ZNF469: variants seen among roughly 807,000 people sequenced by gnomAD.
ZNF469 encodes the protein zinc finger protein 469.
In ZNF469, 1 loss-of-function variant was observed where a neutral mutation model predicts 1.0. The observed-to-expected ratio is 1.00, with a 90% CI of 0.35 to 4.73. ZNF469 has a LOEUF of 4.73. Among genes scored for constraint, ZNF469 ranks in the 30% most tolerant of loss-of-function variants. The probability of loss-of-function intolerance (pLI) is 0.16; values close to 1 mark genes in which losing one functional copy is unlikely to be tolerated. For synonymous variants in ZNF469, 2,703 were observed against 2,363.4 expected, an observed-to-expected ratio of 1.14 and a Z score of -4.17; for missense variants, 6,100 against 5,356.3, an observed-to-expected ratio of 1.14 and a Z score of -4.33.
the ZNF469 span, among the ~76,000 whole-genome samples, chr16:88,101,653 C>A: frequency 6.6e-6 from 1 of 151,858 alleles, no homozygotes; most frequent in Non-Finnish European, 1.5e-5. Context: ...CACAGCGAAT[C>A]TGAGGCAGGC....
At chr16:88,189,867 C>T in the ZNF469 span, among the ~76,000 whole-genome samples, 28,335 of 152,004 alleles carry the variant, frequency 0.19, 3,382 homozygotes, top group Middle Eastern at 0.29. The surrounding 1 kb of genome is among the most constrained non-coding windows in gnomAD (Gnocchi z 4.3). Flanking sequence ...TGCAGTGAGC[C>T]GAGATTGCAC....
the ZNF469 span, among the ~76,000 whole-genome samples, chr16:88,212,573 A>T: frequency 2.6e-5 from 4 of 151,094 alleles, no homozygotes; most frequent in Non-Finnish European, 5.9e-5. Flanking sequence ...TTCTTCCCTT[A>T]TTTATTTATT....
chr16:88,275,534 C>G, the ZNF469 span, among the ~76,000 whole-genome samples: 1 of 152,174 alleles, frequency 6.6e-6, no homozygotes, highest in African/African-American at 2.4e-5. Flanking sequence ...GGGAGGGTGC[C>G]TGGAGTGGCT....
upstream of ZNF469, among the ~76,000 whole-genome samples, chr16:88,381,986 T>G (rs189229260): frequency 6.6e-6 from 1 of 152,376 alleles, no homozygotes; most frequent in East Asian, 1.9e-4. Context: ...AAGTAAAGCG[T>G]GCTTGACCTG....
At chr16:88,161,547 T>A in the ZNF469 span, among the ~76,000 whole-genome samples, 1 of 152,220 alleles carries the variant, frequency 6.6e-6, no homozygotes. Context: ...CCACTCAGCG[T>A]TTAGAGAAAA....
the ZNF469 span, among the ~76,000 whole-genome samples, chr16:88,230,533 C>T: frequency 3.3e-5 from 5 of 149,450 alleles, no homozygotes; most frequent in Non-Finnish European, 6.0e-5. Context: ...GTGGGCAAGT[C>T]GGGTGGGAAA....
At chr16:88,150,829 CG>C in the ZNF469 span, among the ~76,000 whole-genome samples, 1 of 152,038 alleles carries the variant, frequency 6.6e-6, no homozygotes, top group Non-Finnish European at 1.5e-5. Context: ...GCCGTAGAAG[CG>C]CCGTGGGGTT....
chr16:88,387,417 G>A (rs1031753218), intron 1 of ZNF469, among the ~76,000 whole-genome samples: 12 of 152,280 alleles, frequency 7.9e-5, no homozygotes, highest in East Asian at 7.7e-4. Flanking sequence ...CTCGGGCCGC[G>A]GTCAGCACAG....
In ZNF469 at chr16:88,432,567, A is replaced by T; in HGVS notation, c.5097A>T (p.Lys1699Asn). 1 of 1,550,438 alleles carries T rather than the reference A, an allele frequency of 6.4e-7. No homozygotes were observed. Residue 1699 changes from lysine to asparagine, a missense_variant, in exon 3 of 3, where the codon AAA (lysine) becomes AAT (asparagine). By Grantham distance (94) the Lys-to-Asn change is moderately conservative. Coordinates refer to ENST00000565624, the MANE Select transcript of ZNF469 (RefSeq NM_001367624.2). ...GANFHFQPVQ[K>N]AGASKTGLCQ... ...ACTTCCATTTTCAGCCAGTGCAGAA[A>T]GCCGGAGCCTCCAAGACTGGACTTT...
the ZNF469 span, among the ~76,000 whole-genome samples, chr16:88,351,635 G>A: frequency 4.6e-5 from 7 of 152,108 alleles, no homozygotes; most frequent in Non-Finnish European, 1.0e-4. Flanking sequence ...GTCCCGTGCT[G>A]TGGCGGCCGC....
rs1335934418 is a variant in ZNF469 at position 88,431,153 on chromosome 16, C to A, written c.3683C>A (p.Pro1228His). 1 of 1,550,350 alleles carries A rather than the reference C, an allele frequency of 6.5e-7. No individual in the cohort carries two copies. The highest frequency in any genetic ancestry group is 1.2e-5 in the South Asian group (1 of 84,060). Residue 1228 changes from proline to histidine, a missense_variant, in exon 3 of 3, where the codon CCT becomes CAT. By Grantham distance (77) the Pro-to-His change is moderately conservative (BLOSUM62 -2). Coordinates refer to ENST00000565624, the MANE Select transcript of ZNF469 (RefSeq NM_001367624.2). ...GACTTTCCCCAGGAGGCCAAGGAGC[C>A]TGAAACTGCCGAAGAGTCAGCCCCG... ...SLDFPQEAKE[P>H]ETAEESAPDS...
At chr16:88,369,748 A>C in the ZNF469 span, among the ~76,000 whole-genome samples, 1 of 152,166 alleles carries the variant, frequency 6.6e-6, no homozygotes, top group Admixed American at 6.5e-5. Context: ...GAGGAGCAGG[A>C]ATAACGAGGG....
At chr16:88,337,196 G>A in the ZNF469 span, among the ~76,000 whole-genome samples, 2 of 152,160 alleles carry the variant, frequency 1.3e-5, no homozygotes, top group African/African-American at 4.8e-5. Flanking sequence ...TTAAATGGTG[G>A]CTCCCACCAT....
chr16:88,259,787 G>A, the ZNF469 span, among the ~76,000 whole-genome samples: 1 of 152,148 alleles, frequency 6.6e-6, no homozygotes, highest in Non-Finnish European at 1.5e-5. The surrounding 1 kb of genome is among the most constrained non-coding windows in gnomAD (Gnocchi z 4.1). Context: ...CTCCCTCCAG[G>A]GAGAGACCCC....
chr16:88,204,987 A>C, the ZNF469 span, among the ~76,000 whole-genome samples: 1 of 152,148 alleles, frequency 6.6e-6, no homozygotes, highest in African/African-American at 2.4e-5. Flanking sequence ...CAGGATTTAT[A>C]ATGTAAAAAT....
At chr16:88,227,687 T>C in the ZNF469 span, among the ~76,000 whole-genome samples, 2 of 151,860 alleles carry the variant, frequency 1.3e-5, no homozygotes, top group African/African-American at 4.8e-5. Flanking sequence ...CATATGTTCA[T>C]CTCTGTGTTG....
rs1905780081 is a variant in ZNF469 at position 88,427,668 on chromosome 16, G to T, written c.198G>T (p.Arg66Ser). The T allele has an allele frequency of 6.5e-6, 10 of 1,536,138 alleles. No homozygotes were observed. The highest frequency in any genetic ancestry group is 3.6e-5 in the South Asian group (3 of 83,860). Residue 66 changes from arginine (R) to serine (S), a missense_variant, in exon 3 of 3, where the codon AGG becomes AGT. Physicochemically the swap from Arg to Ser is moderately radical, Grantham distance 110. Coordinates refer to ENST00000565624, the MANE Select transcript of ZNF469 (RefSeq NM_001367624.2). ...QAMELPEAQP[R>S]QARDGELKPP... ...TGGAGCTCCCCGAGGCCCAGCCAAG[G>T]CAGGCCAGGGACGGGGAGCTCAAGC...
At chr16:88,195,399 G>A in the ZNF469 span, among the ~76,000 whole-genome samples, 424 of 152,270 alleles carry the variant, frequency 2.8e-3, 4 homozygotes, top group African/African-American at 9.7e-3. Context: ...GTGGTTTTGC[G>A]AAAATCCATG....
chr16:88,185,832 CAG>C, the ZNF469 span, among the ~76,000 whole-genome samples: 1 of 152,078 alleles, frequency 6.6e-6, no homozygotes, highest in Non-Finnish European at 1.5e-5. Context: ...CCCAGACCTA[CAG>C]ACACACTCAC....
Sources: gnomAD v4.1 joint callset for allele counts (sites outside exome capture counted in the v4.1 genomes callset) on GRCh38, gnomAD v4.1.1 for gene constraint, Gnocchi (gnomAD v3.1) non-coding constraint, MANE v1.5 for transcripts, NCBI Gene and HGNC (gene_info 2026-07-23, HGNC 2026-07-21) for gene names.